GPR37: variants seen among roughly 807,000 people sequenced by gnomAD.
GPR37 encodes prosaposin receptor GPR37.
Under a neutral mutation model 43.6 loss-of-function variants are expected in GPR37, and 20 were observed. The ratio of observed to expected loss-of-function variants is 0.46; its 90% CI spans 0.32 to 0.67. The LOEUF is 0.67. Ranked by LOEUF, GPR37 falls within the 30% of genes least tolerant of loss-of-function variation. The probability of loss-of-function intolerance (pLI) is 0.03; values close to 1 mark genes in which losing one functional copy is unlikely to be tolerated. For missense variants in GPR37, 724 were observed against 797.2 expected, an observed-to-expected ratio of 0.91 and a Z score of 1.11; for synonymous variants, 315 against 322.6, an observed-to-expected ratio of 0.98 and a Z score of 0.25.
At chr7:124,752,563 T>C (rs1470415409) in intron 1 of GPR37, among the ~76,000 whole-genome samples, 1 of 152,162 alleles carries the variant, frequency 6.6e-6, no homozygotes, top group African/African-American at 2.4e-5. Context: ...CATGTTTGCC[T>C]GGAGACTGCA....
At chr7:124,755,793 GTAT>G (rs978658191) in intron 1 of GPR37, among the ~76,000 whole-genome samples, 50 of 152,140 alleles carry the variant, frequency 3.3e-4, no homozygotes, top group African/African-American at 1.2e-3. Context: ...TCAATCTTTG[GTAT>G]TATTATGATG....
rs1355969834 is a variant in GPR37 at position 124,744,314 on chromosome 7, C to A, written c.*2211G>T. 6.6e-6 allele frequency: 1 copy of A among 152,092 alleles called. No homozygotes were observed. Among genetic ancestry groups the A allele is most frequent in the Non-Finnish European group, 1.5e-5 (1 of 68,020 alleles). 9.4% of individuals were successfully genotyped at this position (152,092 alleles called of 1,614,324 possible). ...TACTCAAAAACCTTAAAAGCAAAGCCCCATTTCCTGAAGCACCACCATGTA... is the reference window on the plus strand; with the variant it reads ...TACTCAAAAACCTTAAAAGCAAAGCACCATTTCCTGAAGCACCACCATGTA... On this transcript the variant is annotated 3_prime_UTR_variant, in exon 2 of 2. Coordinates refer to ENST00000303921, the MANE Select transcript of GPR37 (RefSeq NM_005302.5).
chr7:124,745,209 C>T lies in GPR37; in HGVS notation c.*1316G>A, dbSNP rs926883187. Among the ~76,000 whole-genome samples the T allele has an allele frequency of 6.6e-6, 1 of 152,144 alleles. No homozygotes were observed. The highest frequency in any genetic ancestry group is 1.5e-5 in the Non-Finnish European group (1 of 68,026). ...TCAACAAGCAGAAACTACGTTTTCC[C>T]AGCAAGAAAACTGGGTTCTCTATAA... On this transcript the variant is annotated 3_prime_UTR_variant, in exon 2 of 2. Coordinates refer to ENST00000303921, the MANE Select transcript of GPR37 (RefSeq NM_005302.5).
chr7:124,762,119 TGAAA>T (rs1441118117), intron 1 of GPR37, among the ~76,000 whole-genome samples: 2 of 151,976 alleles, frequency 1.3e-5, no homozygotes, highest in Admixed American at 6.5e-5. Context: ...GAAATACAAA[TGAAA>T]GAAAGTATTA....
At position 124,765,050 on chromosome 7, in the gene GPR37, C is replaced by T; in HGVS notation, c.-74G>A. 2.9e-6 allele frequency: 4 copies of T among 1,365,182 alleles called. No individual in the cohort carries two copies. The highest frequency in any genetic ancestry group is 3.8e-6 in the Non-Finnish European group (4 of 1,041,554). 84.6% of individuals were successfully genotyped at this position (1,365,182 alleles called of 1,614,324 possible). On this transcript the variant is annotated 5_prime_UTR_variant, in exon 1 of 2. Transcript: ENST00000303921. ...TCGACACCTGCTGCCGAAGTTGCTG[C>T]TGAGAGTTAGGCACATGTCACATAC...
At chr7:124,753,672 T>C (rs1440252282) in intron 1 of GPR37, among the ~76,000 whole-genome samples, 1 of 152,050 alleles carries the variant, frequency 6.6e-6, no homozygotes, top group Non-Finnish European at 1.5e-5. Flanking sequence ...GGTAGTTTGG[T>C]TAGGATAATG....
chr7:124,747,165 C>T lies in GPR37; in HGVS notation c.1202G>A (p.Arg401His), dbSNP rs369674783. The change falls in exon 2 of 2, where the codon CGC (arginine) becomes CAC (histidine). Residue 401 changes from arginine to histidine, a missense_variant. Arg to His is a conservative substitution (Grantham distance 29). Around this residue, in one of 2 missense-constraint regions of GPR37, gnomAD observed 342 missense variants for 441.8 expected, o/e 0.77. Transcript: ENST00000303921. ...LLLALPEVVL[R>H]QLSKEDLGFS... ...CCCCAAATCCTCCTTGCTCAGCTGG[C>T]GGAGAACAACTTCTGGAAGTGCTAA... 11 of 1,613,816 alleles carry T rather than the reference C, an allele frequency of 6.8e-6. No individual in the cohort carries two copies. Among genetic ancestry groups the T allele is most frequent in the East Asian group, 2.2e-5 (1 of 44,870 alleles).
chr7:124,744,054 G>T lies in GPR37; in HGVS notation c.*2471C>A, dbSNP rs886574365. 2 of 151,996 alleles carry T rather than the reference G, an allele frequency of 1.3e-5. No homozygotes were observed. The highest frequency in any genetic ancestry group is 2.4e-5 in the African/African-American group (1 of 41,416). 9.4% of individuals were successfully genotyped at this position (151,996 alleles called of 1,614,324 possible). A position where few individuals can be genotyped will look rare whatever the true frequency, so the allele number is the denominator to read the frequency against. ...ACTTGGGACAATTTGAGTTATCAAAGTTTCCACTTTGACAGAGGTAGGATT... is the reference window on the plus strand; with the variant it reads ...ACTTGGGACAATTTGAGTTATCAAATTTTCCACTTTGACAGAGGTAGGATT... On this transcript the variant is annotated 3_prime_UTR_variant, in exon 2 of 2. Coordinates refer to ENST00000303921, the MANE Select transcript of GPR37 (RefSeq NM_005302.5).
Position 124,747,280 on chromosome 7 carries a change from C to T in GPR37, c.1087G>A (p.Ala363Thr), listed in dbSNP as rs958614230. The T allele has an allele frequency of 3.7e-6, 6 of 1,613,678 alleles. No individual in the cohort carries two copies. The highest frequency in any genetic ancestry group is 3.3e-5 in the Admixed American group (2 of 59,956). ...CALCIDRFRA[A>T]TNVQMYYEMI... ...TCGTAGTACATCTGTACGTTGGTGG[C>T]AGCACGGAAGCGGTCTATGCACAGA... The change falls in exon 2 of 2, where the codon GCC becomes ACC. Residue 363 changes from alanine to threonine, a missense_variant. By Grantham distance (58) the Ala-to-Thr change is moderately conservative. Coordinates refer to ENST00000303921, the MANE Select transcript of GPR37 (RefSeq NM_005302.5).
At chr7:124,749,253 T>A (rs1793706280) in intron 1 of GPR37, among the ~76,000 whole-genome samples, 1 of 152,062 alleles carries the variant, frequency 6.6e-6, no homozygotes, top group Admixed American at 6.6e-5. Context: ...AAAATGTTAA[T>A]AACGTTTCAG....
At chr7:124,747,664 A>T (rs1408705702) in intron 1 of GPR37, among the ~76,000 whole-genome samples, 5 of 152,118 alleles carry the variant, frequency 3.3e-5, no homozygotes, top group Non-Finnish European at 5.9e-5. Flanking sequence ...TACACTAAAA[A>T]TTTTATTCAC....
At chr7:124,763,846 AAAAGG>A in intron 1 of GPR37, 103 bp downstream of exon 1, 1 of 954,462 alleles carries the variant, frequency 1.0e-6, no homozygotes, top group African/African-American at 1.6e-5. Flanking sequence ...GCCCCAGATA[AAAAGG>A]AAAGGCGTTC....
intron 1 of GPR37, among the ~76,000 whole-genome samples, chr7:124,749,922 A>G (rs572216973): frequency 6.6e-6 from 1 of 152,322 alleles, no homozygotes; most frequent in African/African-American, 2.4e-5. Context: ...ATGACAAAAA[A>G]TAATCTCCAC....
chr7:124,764,694 C>G lies in GPR37; in HGVS notation c.283G>C (p.Asp95His). The G allele has an allele frequency of 6.3e-7, 1 of 1,595,378 alleles. No individual in the cohort carries two copies. Among genetic ancestry groups the G allele is most frequent in the Admixed American group, 1.7e-5 (1 of 58,498 alleles). Reference protein sequence around the residue: ...SWDLPAAPGRDPAAGRGAEAS... With the variant: ...SWDLPAAPGRHPAAGRGAEAS... ...TCCGCCCCTCTGCCTGCAGCCGGGT[C>G]ACGGCCCGGGGCCGCCGGCAGGTCC... Residue 95 changes from aspartate (D) to histidine (H), a missense_variant, in exon 1 of 2, where the codon GAC becomes CAC. Asp to His is a moderately conservative substitution (Grantham distance 81, BLOSUM62 -1). Around this residue, in one of 2 missense-constraint regions of GPR37, gnomAD observed 382 missense variants for 355.4 expected, o/e 1.07. Transcript: ENST00000303921. This position sits in a 1 kb window ranked among gnomAD's most constrained non-coding sequence, Gnocchi z 5.4.
At position 124,756,848 on chromosome 7, in the gene GPR37, A is replaced by G. The variant is rs569804888; in HGVS notation, c.1023+7106T>C. On this transcript the variant is annotated intron_variant, in intron 1 of 1. Transcript: ENST00000303921. ...GGTTGCCGCACATAAGACGAATGCCATTAAAGGTGTAAAAATTGTATCAAG... is the reference window on the plus strand; with the variant it reads ...GGTTGCCGCACATAAGACGAATGCCGTTAAAGGTGTAAAAATTGTATCAAG... Among the ~76,000 whole-genome samples the G allele has an allele frequency of 4.6e-5, 7 of 152,336 alleles. No individual in the cohort carries two copies. The East Asian group carries it at 1.2e-3, about 25-fold the overall frequency.
chr7:124,756,588 A>G (rs1228219180), intron 1 of GPR37, among the ~76,000 whole-genome samples: 1 of 152,344 alleles, frequency 6.6e-6, no homozygotes, highest in Non-Finnish European at 1.5e-5. Context: ...TCTGGCACAA[A>G]GAGTATTATT....
chr7:124,764,284 C>A lies in GPR37; in HGVS notation c.693G>T (p.Glu231Asp). 1 of 1,601,228 alleles carries A rather than the reference C, an allele frequency of 6.2e-7. No homozygotes were observed. The highest frequency in any genetic ancestry group is 1.1e-5 in the South Asian group (1 of 88,968). ...QNGSLGEGIH[E>D]PGGPRRGNST... is the part of the protein sequence containing the mutation. ...TGTTTCCCCGGCGGGGACCCCCAGG[C>A]TCATGGATTCCTTCACCCAAGGATC... The change falls in exon 1 of 2, where the codon GAG becomes GAT. Residue 231 changes from glutamate (E) to aspartate (D), a missense_variant. Physicochemically the swap from Glu to Asp is conservative, Grantham distance 45. Around this residue, in one of 2 missense-constraint regions of GPR37, gnomAD observed 382 missense variants for 355.4 expected, o/e 1.07. Transcript: ENST00000303921. The surrounding 1 kb of genome is among the most constrained non-coding windows in gnomAD (Gnocchi z 5.4).
intron 1 of GPR37, among the ~76,000 whole-genome samples, chr7:124,751,946 G>A (rs1242957545): frequency 6.6e-6 from 1 of 152,004 alleles, no homozygotes; most frequent in African/African-American, 2.4e-5. Context: ...AAGATCAGCG[G>A]GAAAATAGAA....
In GPR37 at chr7:124,764,290, G is replaced by A. The variant is rs779060815; in HGVS notation, c.687C>T (p.Ile229=). Residue 229 remains isoleucine, a synonymous_variant, in exon 1 of 2, where the codon ATC becomes ATT. Coordinates refer to ENST00000303921, the MANE Select transcript of GPR37 (RefSeq NM_005302.5). The surrounding 1 kb of genome is among the most constrained non-coding windows in gnomAD (Gnocchi z 5.4). ...LAQNGSLGEG[I]HEPGGPRRGN... Reference sequence around the variant, plus strand: ...CCCGGCGGGGACCCCCAGGCTCATGGATTCCTTCACCCAAGGATCCATTCT... The same window carrying A: ...CCCGGCGGGGACCCCCAGGCTCATGAATTCCTTCACCCAAGGATCCATTCT... 7 of 1,602,354 alleles carry A rather than the reference G, an allele frequency of 4.4e-6. No individual in the cohort carries two copies. In the East Asian group the frequency reaches 1.6e-4, roughly 36 times the overall value.
Sources: gnomAD v4.1 joint callset for allele counts (sites outside exome capture counted in the v4.1 genomes callset) on GRCh38, gnomAD v4.1.1 for gene constraint, gnomAD v4.1.1 regional missense constraint, Gnocchi (gnomAD v3.1) non-coding constraint, MANE v1.5 for transcripts, NCBI Gene and HGNC (gene_info 2026-07-23, HGNC 2026-07-21) for gene names.